The following KCNIP4 variants were observed in gnomAD, a reference collection of about 807,000 sequenced individuals.
KCNIP4 encodes the protein potassium voltage-gated channel interacting protein 4, also known as Kv channel-interacting protein 4.
In KCNIP4, 12 loss-of-function variants were observed where a neutral mutation model predicts 34.0. That is an observed-to-expected ratio of 0.35 (90% CI 0.23 to 0.57). The LOEUF (loss-of-function observed/expected upper bound fraction) is 0.57. Ranked by LOEUF, KCNIP4 falls within the 20% of genes least tolerant of loss-of-function variation. The probability of loss-of-function intolerance (pLI) is 0.83; values close to 1 mark genes in which losing one functional copy is unlikely to be tolerated. For synonymous variants in KCNIP4, 124 were observed against 102.2 expected (o/e 1.21, Z -1.29); for missense variants, 238 against 311.7 (o/e 0.76, Z 1.78).
At chr4:21,249,387 G>A (rs530655578) in intron 1 of KCNIP4, among the ~76,000 whole-genome samples, 15 of 152,210 alleles carry the variant, frequency 9.9e-5, no homozygotes, top group Admixed American at 2.6e-4. Context: ...GTGGGCTGGG[G>A]AAGGGTAAAA....
intron 1 of KCNIP4, among the ~76,000 whole-genome samples, chr4:21,055,861 A>G (rs1339677159): frequency 1.3e-5 from 2 of 152,328 alleles, no homozygotes; most frequent in Non-Finnish European, 2.9e-5. Flanking sequence ...GTAATGATGG[A>G]CACGTGTCAT....
At chr4:21,247,964 T>C (rs919734046) in intron 1 of KCNIP4, among the ~76,000 whole-genome samples, 7 of 121,092 alleles carry the variant, frequency 5.8e-5, no homozygotes, top group African/African-American at 1.2e-4. Flanking sequence ...CATATATATA[T>C]ACACACACAT....
At chr4:21,104,635 T>C (rs1748315223) in intron 1 of KCNIP4, among the ~76,000 whole-genome samples, 1 of 152,104 alleles carries the variant, frequency 6.6e-6, no homozygotes, top group Admixed American at 6.5e-5. Flanking sequence ...TTTGTTGCCA[T>C]TACTTTTGGT....
chr4:20,999,526 G>A (rs1344319991), intron 1 of KCNIP4, among the ~76,000 whole-genome samples: 1 of 147,530 alleles, frequency 6.8e-6, no homozygotes, highest in Non-Finnish European at 1.5e-5. Context: ...GTGTCCTTCA[G>A]AACGATCACC....
chr4:21,206,227 T>C (rs1756843299), intron 1 of KCNIP4, among the ~76,000 whole-genome samples: 1 of 152,212 alleles, frequency 6.6e-6, no homozygotes, highest in Non-Finnish European at 1.5e-5. Context: ...TGCTGACATA[T>C]TTTAAAATGC....
chr4:21,627,327 T>C (rs981616560), intron 1 of KCNIP4, among the ~76,000 whole-genome samples: 1 of 152,124 alleles, frequency 6.6e-6, no homozygotes, highest in Non-Finnish European at 1.5e-5. Context: ...TTATAAATTA[T>C]GTTTTAATTT....
intron 1 of KCNIP4, among the ~76,000 whole-genome samples, chr4:21,297,488 A>G (rs1339377559): frequency 6.6e-6 from 1 of 152,178 alleles, no homozygotes; most frequent in Non-Finnish European, 1.5e-5. Flanking sequence ...AATTTGAATA[A>G]GCATTTTATG....
chr4:21,890,296 T>G (rs1424354712), intron 1 of KCNIP4, among the ~76,000 whole-genome samples: 1 of 152,040 alleles, frequency 6.6e-6, no homozygotes, highest in African/African-American at 2.4e-5. Context: ...TTTAAATAAT[T>G]TATATACCTT....
At chr4:21,000,663 C>A (rs1738047549) in intron 1 of KCNIP4, among the ~76,000 whole-genome samples, 1 of 150,750 alleles carries the variant, frequency 6.6e-6, no homozygotes, top group Non-Finnish European at 1.5e-5. Flanking sequence ...CCAGCCTGTG[C>A]AAAAAGAACA....
intron 1 of KCNIP4, among the ~76,000 whole-genome samples, chr4:20,968,374 C>A (rs1275993259): frequency 6.6e-6 from 1 of 152,144 alleles, no homozygotes; most frequent in Non-Finnish European, 1.5e-5. Flanking sequence ...TGTGGCGATT[C>A]CTCAAGGATC....
chr4:21,131,222 C>G (rs746567315), intron 1 of KCNIP4, among the ~76,000 whole-genome samples: 2 of 152,060 alleles, frequency 1.3e-5, no homozygotes, highest in African/African-American at 4.8e-5. Context: ...TACCATGTAG[C>G]AACAAGAATC....
intron 1 of KCNIP4, among the ~76,000 whole-genome samples, chr4:21,775,687 G>A (rs1387499364): frequency 1.3e-5 from 2 of 152,206 alleles, no homozygotes; most frequent in Non-Finnish European, 2.9e-5. Flanking sequence ...CTGCAGAGAA[G>A]CCTCACCCAA....
intron 3 of KCNIP4, among the ~76,000 whole-genome samples, chr4:20,772,876 C>T (rs1027297031): frequency 6.6e-6 from 1 of 151,966 alleles, no homozygotes; most frequent in Non-Finnish European, 1.5e-5. Flanking sequence ...TCAGGTGATC[C>T]GTCCACTTCA....
intron 1 of KCNIP4, among the ~76,000 whole-genome samples, chr4:21,904,529 A>T (rs1180711303): frequency 3.3e-5 from 5 of 152,186 alleles, no homozygotes; most frequent in African/African-American, 1.2e-4. Context: ...CCAGTGTCTC[A>T]CCAAACATCT....
chr4:21,593,576 T>C (rs1156248256), intron 1 of KCNIP4, among the ~76,000 whole-genome samples: 1 of 152,102 alleles, frequency 6.6e-6, no homozygotes, highest in African/African-American at 2.4e-5. Context: ...CCAGCTGTTA[T>C]CTATTAGCAC....
At chr4:21,932,729 C>A (rs2109010037) in intron 1 of KCNIP4, among the ~76,000 whole-genome samples, 1 of 152,088 alleles carries the variant, frequency 6.6e-6, no homozygotes, top group African/African-American at 2.4e-5. Context: ...AATCCTAAGT[C>A]TGGTGTGATC....
At chr4:20,757,179 C>A (rs1205135714) in intron 4 of KCNIP4, among the ~76,000 whole-genome samples, 1 of 152,082 alleles carries the variant, frequency 6.6e-6, no homozygotes, top group Non-Finnish European at 1.5e-5. Flanking sequence ...TCTCTTTATG[C>A]CACAAAAAGT....
rs1316154844 is a variant in KCNIP4, at chr4:21,899,029, G to T, written c.61+49542C>A. Among the ~76,000 whole-genome samples the T allele has an allele frequency of 2.6e-5, 4 of 152,146 alleles. No homozygotes were observed. In the East Asian group the frequency reaches 7.7e-4, roughly 29 times the overall value. On this transcript the variant is annotated intron_variant, in intron 1 of 8. Transcript: ENST00000382152. ...GGGAGAAAACAGTAGGAATGAATTT[G>T]TATTGTGATTTGTGTCAGCTTAGTC...
chr4:21,474,580 A>T (rs1054626944), intron 1 of KCNIP4, among the ~76,000 whole-genome samples: 7 of 152,196 alleles, frequency 4.6e-5, no homozygotes, highest in African/African-American at 1.7e-4. Flanking sequence ...CTTTCCCCAA[A>T]GCATTATCTA....
Sources: allele counts gnomAD v4.1 joint callset (sites outside exome capture counted in the v4.1 genomes callset), GRCh38; gene constraint gnomAD v4.1.1; transcripts MANE v1.5; gene names NCBI Gene and HGNC (gene_info 2026-07-23, HGNC 2026-07-21).